Variants in NSUN6 observed in about 807,000 individuals in gnomAD.
NSUN6 encodes the protein tRNA (cytosine(72)-C(5))-methyltransferase NSUN6.
Under a neutral mutation model 58.0 loss-of-function variants are expected in NSUN6, and 64 were observed. That is an observed-to-expected ratio of 1.10 (90% CI 0.90 to 1.36). The LOEUF is 1.36. Ranked by LOEUF, NSUN6 falls within the 40% of genes most tolerant of loss-of-function variation. The probability of loss-of-function intolerance (pLI) is 0.00; values close to 1 mark genes in which losing one functional copy is unlikely to be tolerated. For synonymous variants in NSUN6, 231 were observed against 193.9 expected (o/e 1.19, Z -1.59); for missense variants, 701 against 550.1 (o/e 1.27, Z -2.74).
intron 3 of NSUN6, among the ~76,000 whole-genome samples, chr10:18,635,117 C>T (rs894813510): frequency 6.6e-6 from 1 of 152,142 alleles, no homozygotes; most frequent in East Asian, 1.9e-4. Flanking sequence ...GTGACCAGCC[C>T]AATAAAACCC....
intron 8 of NSUN6, among the ~76,000 whole-genome samples, chr10:18,563,728 T>C (rs958803784): frequency 3.3e-5 from 5 of 151,064 alleles, no homozygotes; most frequent in African/African-American, 1.2e-4. Context: ...CTCCGTTCCA[T>C]TCTCCATTCC....
rs2058350685 is a variant in NSUN6, at chr10:18,614,704, G to T, written c.422-91C>A. On this transcript the variant is annotated intron_variant, in intron 4 of 10. Transcript: ENST00000377304. ...TGAGCTAGATCGGTGATCTCTAGAG[G>T]CATCAATAGTGGGCATGAAGCAGTT... The T allele has an allele frequency of 7.7e-6, 4 of 516,662 alleles. No individual in the cohort carries two copies. In the East Asian group the frequency reaches 1.4e-4, roughly 17 times the overall value. 32.0% of individuals were successfully genotyped at this position (516,662 alleles called of 1,614,324 possible).
intron 6 of NSUN6, among the ~76,000 whole-genome samples, chr10:18,600,073 C>A (rs1214774328): frequency 1.3e-5 from 2 of 151,876 alleles, no homozygotes; most frequent in African/African-American, 4.8e-5. Context: ...AAAAATTATC[C>A]CTTATCACTA....
chr10:18,637,956 A>G (rs2059271921), intron 3 of NSUN6, among the ~76,000 whole-genome samples: 1 of 152,240 alleles, frequency 6.6e-6, no homozygotes, highest in Non-Finnish European at 1.5e-5. Context: ...GAGACAGTTC[A>G]GAAAATATCA....
At chr10:18,624,949 T>A (rs533939549) in intron 3 of NSUN6, among the ~76,000 whole-genome samples, 1 of 152,270 alleles carries the variant, frequency 6.6e-6, no homozygotes, top group Admixed American at 6.5e-5. Flanking sequence ...AGTCTGGGAA[T>A]TTCGGTACAT....
Position 18,648,617 on chromosome 10 carries a change from G to T in NSUN6, c.104C>A (p.Ala35Glu). 1 of 1,604,550 alleles carries T rather than the reference G, an allele frequency of 6.2e-7. No individual in the cohort carries two copies. Reference sequence around the variant, plus strand: ...TAACAAAGTTTCAAACTTCCTTTCTGCTTCTTGTTTACCTAAAGCAGTCAC... The same window carrying T: ...TAACAAAGTTTCAAACTTCCTTTCTTCTTCTTGTTTACCTAAAGCAGTCAC... ...EIVTALGKQE[A>E]ERKFETLLKH... The change falls in exon 2 of 11, where the codon GCA (alanine) becomes GAA (glutamate). Residue 35 changes from alanine to glutamate, a missense_variant. Coordinates refer to ENST00000377304, the MANE Select transcript of NSUN6 (RefSeq NM_182543.5).
intron 3 of NSUN6, among the ~76,000 whole-genome samples, chr10:18,626,696 G>C (rs570888118): frequency 6.6e-6 from 1 of 152,308 alleles, no homozygotes; most frequent in East Asian, 1.9e-4. Flanking sequence ...TGAACACGGA[G>C]GTGGAGGTTG....
intron 1 of NSUN6, among the ~76,000 whole-genome samples, chr10:18,650,786 C>T (rs2059681095): frequency 6.6e-6 from 1 of 152,264 alleles, no homozygotes; most frequent in South Asian, 2.1e-4. Context: ...GAAACCTTTT[C>T]ACCTGAGTGC....
At position 18,618,309 on chromosome 10, in the gene NSUN6, T is replaced by C. The variant is rs117201344; in HGVS notation, c.312-2016A>G. 2.8e-4 allele frequency among the ~76,000 whole-genome samples: 43 copies of C among 152,320 alleles called. No homozygotes were observed. In the East Asian group the frequency reaches 8.3e-3, roughly 29 times the overall value. ...CACTTCTTAAATTTTTCATCAGTGA[T>C]AGAAATTCATGGTCATTACACTTGT... On this transcript the variant is annotated intron_variant, in intron 3 of 10. Coordinates refer to ENST00000377304, the MANE Select transcript of NSUN6 (RefSeq NM_182543.5).
At chr10:18,634,430 C>G (rs950268964) in intron 3 of NSUN6, among the ~76,000 whole-genome samples, 1 of 152,094 alleles carries the variant, frequency 6.6e-6, no homozygotes, top group Non-Finnish European at 1.5e-5. Context: ...AAGAGAGCCA[C>G]TTTGAAACAG....
chr10:18,559,945 G>T (rs191510632), intron 8 of NSUN6, among the ~76,000 whole-genome samples: 149 of 151,250 alleles, frequency 9.9e-4, no homozygotes, highest in Non-Finnish European at 1.6e-3. Context: ...GAATGGACTG[G>T]AATGGAATAG....
intron 7 of NSUN6, among the ~76,000 whole-genome samples, chr10:18,586,960 G>A (rs1283559331): frequency 6.6e-6 from 1 of 152,202 alleles, no homozygotes; most frequent in East Asian, 1.9e-4. Flanking sequence ...TAGCTCGACA[G>A]AAAGGTTCTC....
intron 8 of NSUN6, among the ~76,000 whole-genome samples, chr10:18,573,389 ATTCCATTCTCCC>A (rs1564742929): frequency 6.9e-6 from 1 of 145,738 alleles, no homozygotes; most frequent in Admixed American, 6.9e-5. Flanking sequence ...TCTCCATTCC[ATTCCATTCTCCC>A]TTCCATTCCA....
chr10:18,604,737 T>C (rs1319940466), intron 6 of NSUN6, among the ~76,000 whole-genome samples: 1 of 151,612 alleles, frequency 6.6e-6, no homozygotes, highest in Non-Finnish European at 1.5e-5. Context: ...AATACAAAAA[T>C]TAACTGGGTG....
At chr10:18,631,907 T>C (rs956806274) in intron 3 of NSUN6, among the ~76,000 whole-genome samples, 1 of 152,194 alleles carries the variant, frequency 6.6e-6, no homozygotes, top group East Asian at 1.9e-4. Context: ...AAAACTACTT[T>C]AAAGTTCATA....
rs776628425 is a variant in NSUN6 at position 18,616,207 on chromosome 10, G to A, written c.398C>T (p.Pro133Leu). 4.4e-6 allele frequency: 7 copies of A among 1,584,548 alleles called. No individual in the cohort carries two copies. Among genetic ancestry groups the A allele is most frequent in the Non-Finnish European group, 5.2e-6 (6 of 1,153,434 alleles). Residue 133 changes from proline to leucine, a missense_variant, in exon 4 of 11, where the codon CCA (proline) becomes CTA (leucine). By Grantham distance (98) the Pro-to-Leu change is moderately conservative (BLOSUM62 -3). Coordinates refer to ENST00000377304, the MANE Select transcript of NSUN6 (RefSeq NM_182543.5). ...AVLRGAHVYA[P>L]GIVSASQFMK... ...ACATTGTGATGCTGACACAATTCCT[G>A]GGGCATAGACATGGGCTCCTCTTAA... is the stretch of plus-strand genomic sequence containing the variant.
chr10:18,607,715 T>C (rs1410953177), intron 6 of NSUN6, among the ~76,000 whole-genome samples: 3 of 152,220 alleles, frequency 2.0e-5, no homozygotes, highest in Non-Finnish European at 4.4e-5. Flanking sequence ...TTCCAAGGGT[T>C]ACATCTGGAG....
chr10:18,561,159 G>A (rs2055474307), intron 8 of NSUN6, among the ~76,000 whole-genome samples: 1 of 92,232 alleles, frequency 1.1e-5, no homozygotes, highest in Non-Finnish European at 2.4e-5. Context: ...AGAATGGAAT[G>A]GAATACAGTG....
intron 7 of NSUN6, among the ~76,000 whole-genome samples, chr10:18,595,623 A>C (rs1359351399): frequency 6.6e-6 from 1 of 152,224 alleles, no homozygotes; most frequent in Non-Finnish European, 1.5e-5. Flanking sequence ...ATAAATAAGC[A>C]GGCAAGTATA....
Sources: allele counts gnomAD v4.1 joint callset (sites outside exome capture counted in the v4.1 genomes callset), GRCh38; gene constraint gnomAD v4.1.1; transcripts MANE v1.5; gene names NCBI Gene and HGNC (gene_info 2026-07-23, HGNC 2026-07-21).